Variants in GARIN1B observed in about 807,000 individuals in gnomAD.
The protein encoded by GARIN1B is golgi associated RAB2 interactor 1B.
At chr7:128,715,250 A>G in the GARIN1B span, 13 of 1,421,328 alleles carry the variant, frequency 9.1e-6, no homozygotes, top group South Asian at 1.5e-5. Flanking sequence ...AAGGCACACA[A>G]GCTCTCTGGA....
At chr7:128,715,808 C>A in the GARIN1B span, 2 of 939,438 alleles carry the variant, frequency 2.1e-6, no homozygotes, top group Non-Finnish European at 3.3e-6. Context: ...CAAGGAGAAG[C>A]TAGTGGACCT....
the GARIN1B span, chr7:128,723,195 A>T: frequency 1.9e-6 from 3 of 1,608,494 alleles, no homozygotes; most frequent in Admixed American, 1.7e-5. Context: ...TTCTTCATAT[A>T]GTTAGTACAG....
the GARIN1B span, among the ~76,000 whole-genome samples, chr7:128,711,931 C>G: frequency 6.6e-6 from 1 of 152,144 alleles, no homozygotes; most frequent in Admixed American, 6.5e-5. Context: ...ATCCCAGCTA[C>G]TCGGGAGGCT....
chr7:128,714,239 T>C, the GARIN1B span: 2 of 1,150,430 alleles, frequency 1.7e-6, no homozygotes, highest in South Asian at 1.3e-5. Context: ...ACTCTGTCTA[T>C]ATGTGTTACA....
the GARIN1B span, among the ~76,000 whole-genome samples, chr7:128,729,179 T>G: frequency 7.9e-5 from 12 of 151,912 alleles, no homozygotes; most frequent in Non-Finnish European, 1.8e-4. Context: ...GGCGAGGGAG[T>G]GTAGTCTCTC....
chr7:128,713,067 G>A, the GARIN1B span, among the ~76,000 whole-genome samples: 1 of 152,144 alleles, frequency 6.6e-6, no homozygotes, highest in Non-Finnish European at 1.5e-5. Flanking sequence ...CACTTTGGGA[G>A]GTCAAGGCGG....
chr7:128,721,148 G>A, the GARIN1B span, among the ~76,000 whole-genome samples: 2 of 152,158 alleles, frequency 1.3e-5, no homozygotes, highest in African/African-American at 4.8e-5. Context: ...GCAAAGTTTT[G>A]TAGCTTTTGT....
chr7:128,712,946 C>T, the GARIN1B span, among the ~76,000 whole-genome samples: 1 of 152,092 alleles, frequency 6.6e-6, no homozygotes. Flanking sequence ...GCAAGGGAGG[C>T]CAGGAAATGT....
At chr7:128,722,209 AT>A in the GARIN1B span, among the ~76,000 whole-genome samples, 1 of 152,204 alleles carries the variant, frequency 6.6e-6, no homozygotes, top group East Asian at 1.9e-4. Context: ...ATTTGATAGA[AT>A]TTACCAGTGA....
the GARIN1B span, chr7:128,723,485 G>A: frequency 7.9e-6 from 5 of 630,954 alleles, no homozygotes; most frequent in South Asian, 7.7e-5. Flanking sequence ...GGTCAAGGCA[G>A]ATGGATTGCT....
the GARIN1B span, chr7:128,724,738 G>T: frequency 7.8e-7 from 1 of 1,289,336 alleles, no homozygotes; most frequent in South Asian, 1.2e-5. Flanking sequence ...AGAAAAATGA[G>T]GTGTCAGAGA....
chr7:128,715,360 G>A, the GARIN1B span: 1 of 1,560,380 alleles, frequency 6.4e-7, no homozygotes, highest in Non-Finnish European at 8.6e-7. Flanking sequence ...GTGGTCCCAG[G>A]GCTTGGCCAG....
At chr7:128,726,480 T>C in the GARIN1B span, among the ~76,000 whole-genome samples, 69 of 152,354 alleles carry the variant, frequency 4.5e-4, no homozygotes, top group African/African-American at 1.6e-3. Flanking sequence ...GCAATTATTA[T>C]CAGTTTTTGC....
At chr7:128,719,848 C>T in the GARIN1B span, among the ~76,000 whole-genome samples, 4 of 151,660 alleles carry the variant, frequency 2.6e-5, no homozygotes, top group East Asian at 2.0e-4. Flanking sequence ...TACAGGCACG[C>T]ACCACCATGC....
chr7:128,710,761 C>T, the GARIN1B span, among the ~76,000 whole-genome samples: 42,189 of 151,370 alleles, frequency 0.28, 6,007 homozygotes, highest in South Asian at 0.36. Flanking sequence ...CTGGGCTCAC[C>T]GCAACCTCCG....
the GARIN1B span, chr7:128,729,834 G>T: frequency 9.1e-4 from 1,395 of 1,534,296 alleles, 16 homozygotes; most frequent in African/African-American, 0.017. Context: ...CCCCCCAAAT[G>T]TCAGCTGTAA....
At chr7:128,716,562 C>T in the GARIN1B span, among the ~76,000 whole-genome samples, 1 of 152,192 alleles carries the variant, frequency 6.6e-6, no homozygotes, top group Non-Finnish European at 1.5e-5. Context: ...TTGGCCCCAA[C>T]TGCCAGGGAA....
chr7:128,713,438 G>A, the GARIN1B span, among the ~76,000 whole-genome samples: 2 of 152,090 alleles, frequency 1.3e-5, no homozygotes, highest in African/African-American at 4.8e-5. Flanking sequence ...AGTAGGAAGG[G>A]GTGCACATCA....
chr7:128,716,594 A>G, the GARIN1B span, among the ~76,000 whole-genome samples: 1 of 151,994 alleles, frequency 6.6e-6, no homozygotes, highest in Non-Finnish European at 1.5e-5. Flanking sequence ...GTCTGGAGAC[A>G]TTTTTTATTG....
Sources: gnomAD v4.1 joint callset for allele counts (sites outside exome capture counted in the v4.1 genomes callset) on GRCh38, gnomAD v4.1.1 for gene constraint, MANE v1.5 for transcripts, NCBI Gene and HGNC (gene_info 2026-07-23, HGNC 2026-07-21) for gene names.